Variants in ECHDC2 observed in about 807,000 individuals in gnomAD.
ECHDC2 encodes enoyl-CoA hydratase domain containing 2.
A neutral mutation model predicts 40.6 loss-of-function variants in ECHDC2; 34 were observed. The observed-to-expected ratio is 0.84, with a 90% CI of 0.64 to 1.11. ECHDC2 has a LOEUF of 1.11. ECHDC2 is among the 50% of genes most tolerant of loss of function. The pLI is 0.00. For missense variants in ECHDC2, 392 were observed against 400.7 expected (o/e 0.98, Z 0.19); for synonymous variants, 162 against 166.6 (o/e 0.97, Z 0.21).
chr1:52,916,800 G>A (rs944384499), intron 1 of ECHDC2, among the ~76,000 whole-genome samples: 2 of 152,180 alleles, frequency 1.3e-5, no homozygotes, highest in African/African-American at 4.8e-5. Flanking sequence ...CCCCAACAGC[G>A]GGGATGGGGC....
intron 7 of ECHDC2, chr1:52,899,518 A>G: frequency 2.3e-6 from 1 of 425,780 alleles, no homozygotes; most frequent in Non-Finnish European, 4.3e-6. Flanking sequence ...CCACAGACTC[A>G]TCTAATGGTG....
intron 7 of ECHDC2, chr1:52,901,276 T>G (rs1409045834): frequency 2.0e-5 from 3 of 152,210 alleles, no homozygotes; most frequent in African/African-American, 7.2e-5. Context: ...GTCAGTAGCT[T>G]GCACCTGTAG....
chr1:52,905,698 T>A (rs994292228), intron 5 of ECHDC2: 1 of 159,112 alleles, frequency 6.3e-6, no homozygotes, highest in African/African-American at 2.4e-5. Flanking sequence ...CATGTGAACG[T>A]GGGCAGAAGG....
chr1:52,899,129 C>T (rs762190153), intron 8 of ECHDC2, 45 bp downstream of exon 8: 20 of 1,605,992 alleles, frequency 1.2e-5, no homozygotes, highest in Non-Finnish European at 1.7e-5. Context: ...GTCCCAGCCG[C>T]GACCAACTTT....
intron 1 of ECHDC2, chr1:52,913,026 T>TATCA (rs1168996342): frequency 6.6e-6 from 1 of 152,148 alleles, no homozygotes; most frequent in African/African-American, 2.4e-5. Context: ...CATCCTTAGG[T>TATCA]ATCATAGTTT....
chr1:52,910,358 T>TTTG (rs1649127417), intron 3 of ECHDC2, among the ~76,000 whole-genome samples: 1 of 83,296 alleles, frequency 1.2e-5, no homozygotes, highest in East Asian at 4.7e-4. Flanking sequence ...TTTCGTTTTT[T>TTTG]TTTTTTTTTT....
At chr1:52,904,926 G>T (rs936293407) in intron 6 of ECHDC2, 93 bp from the exon 7 acceptor site, 77 of 1,598,716 alleles carry the variant, frequency 4.8e-5, no homozygotes, top group Non-Finnish European at 6.5e-5. Flanking sequence ...CTTCTCAGAG[G>T]AGCAGGGTTC....
At chr1:52,910,682 ATATG>A (rs1649252580) in intron 3 of ECHDC2, among the ~76,000 whole-genome samples, 1 of 152,118 alleles carries the variant, frequency 6.6e-6, no homozygotes, top group Non-Finnish European at 1.5e-5. Flanking sequence ...AATTTCTAAA[ATATG>A]TAAGTAATAA....
rs1421619989 is a variant in ECHDC2 at position 52,914,100 on chromosome 1, T to A, written c.122-2310A>T. ...TGTCCTCATGGAACCTACAGCCTAG[T>A]GGGGAAGACAGACATTAAATAATTA... On this transcript the variant is annotated intron_variant, in intron 1 of 9. Transcript: ENST00000371522. The surrounding 1 kb of genome is among the most constrained non-coding windows in gnomAD (Gnocchi z 4.0). 4 of 552,764 alleles carry A rather than the reference T, an allele frequency of 7.2e-6. No individual in the cohort carries two copies. In the African/African-American group the frequency reaches 7.7e-5, roughly 11 times the overall value. The allele number at this position is 552,764 out of a possible 1,614,324, so 34.2% of individuals were successfully genotyped here. A position where few individuals can be genotyped will look rare whatever the true frequency, so the allele number is the denominator to read the frequency against.
At chr1:52,898,623 C>G (rs902428465) in intron 8 of ECHDC2, 3 of 163,958 alleles carry the variant, frequency 1.8e-5, no homozygotes, top group African/African-American at 7.2e-5. Context: ...TGATTTGTGT[C>G]TGTATCTGCC....
At chr1:52,906,673 G>A (rs1264996575) in intron 4 of ECHDC2, 62 bp from the exon 5 acceptor site, 3 of 1,404,620 alleles carry the variant, frequency 2.1e-6, no homozygotes, top group Non-Finnish European at 2.9e-6. Flanking sequence ...AGAGACTCAA[G>A]GCTGGGGAGG....
At chr1:52,920,588 C>A in intron 1 of ECHDC2, 2 of 1,206,252 alleles carry the variant, frequency 1.7e-6, no homozygotes, top group Non-Finnish European at 2.5e-6. Context: ...AGAAATCTGG[C>A]AAAAAGTAAG....
At chr1:52,912,312 A>T (rs895241582) in intron 1 of ECHDC2, 2 of 154,558 alleles carry the variant, frequency 1.3e-5, no homozygotes, top group African/African-American at 4.9e-5. Flanking sequence ...GGCTCAAGCA[A>T]TTCTCCTCCC....
Position 52,909,534 on chromosome 1 carries a change from A to C in ECHDC2, c.278-1580T>G, listed in dbSNP as rs540925966. 7.6e-4 allele frequency among the ~76,000 whole-genome samples: 116 copies of C among 151,832 alleles called. 1 individual carries two copies. Among genetic ancestry groups the C allele is most frequent in the African/African-American group, 2.6e-3 (109 of 41,436 alleles). On this transcript the variant is annotated intron_variant, in intron 3 of 9. Transcript: ENST00000371522. ...GTAACTGATGAGCTTAAAAAAAAAAAAAAAAACACCACACAAAAAAATCTT... is the reference window on the plus strand; with the variant it reads ...GTAACTGATGAGCTTAAAAAAAAAACAAAAAACACCACACAAAAAAATCTT...
intron 5 of ECHDC2, chr1:52,906,290 A>T (rs1354056176): frequency 1.6e-6 from 1 of 621,280 alleles, no homozygotes; most frequent in Non-Finnish European, 3.0e-6. Flanking sequence ...AATATTCCCA[A>T]AATGAAGGAA....
intron 8 of ECHDC2, 69 bp downstream of exon 8, chr1:52,899,105 T>C (rs1331991334): frequency 1.3e-6 from 2 of 1,512,624 alleles, no homozygotes; most frequent in Non-Finnish European, 1.8e-6. Context: ...CTGTCTGAGC[T>C]CTGAAAGCAC....
intron 7 of ECHDC2, among the ~76,000 whole-genome samples, chr1:52,903,587 G>C (rs560751719): frequency 2.6e-5 from 4 of 151,566 alleles, no homozygotes; most frequent in African/African-American, 9.7e-5. Context: ...TTACAGGCTC[G>C]AACTACCACA....
chr1:52,907,851 C>T lies in ECHDC2; in HGVS notation c.364+17G>A. 4 of 1,610,824 alleles carry T rather than the reference C, an allele frequency of 2.5e-6. No homozygotes were observed. Among genetic ancestry groups the T allele is most frequent in the Non-Finnish European group, 3.4e-6 (4 of 1,177,392 alleles). ...GACCCCCAAACCCCCTCCTCCACCC[C>T]ACACCCAGATCCTCACCGATGTCAT... On this transcript the variant is annotated intron_variant, in intron 4 of 9. Coordinates refer to ENST00000371522, the MANE Select transcript of ECHDC2 (RefSeq NM_001198961.2).
Position 52,911,573 on chromosome 1 carries a change from G to A in ECHDC2, c.270C>T (p.Phe90=). The A allele has an allele frequency of 6.2e-7, 1 of 1,613,694 alleles. No homozygotes were observed. The highest frequency in any genetic ancestry group is 8.5e-7 in the Non-Finnish European group (1 of 1,180,022). ...GCAGGAGAGAGAACCTACCTGCACAGAACACGCCCTTCACTCCACTTCTGA... is the reference window on the plus strand; with the variant it reads ...GCAGGAGAGAGAACCTACCTGCACAAAACACGCCCTTCACTCCACTTCTGA... ...LLFRSGVKGV[F]CAGADLKERE... is the part of the protein sequence containing the mutation. The change falls in exon 3 of 10, where the codon TTC becomes TTT. Residue 90 remains phenylalanine, a synonymous_variant. Coordinates refer to ENST00000371522, the MANE Select transcript of ECHDC2 (RefSeq NM_001198961.2).
Sources: gnomAD v4.1 joint callset for allele counts (sites outside exome capture counted in the v4.1 genomes callset) on GRCh38, gnomAD v4.1.1 for gene constraint, Gnocchi (gnomAD v3.1) non-coding constraint, MANE v1.5 for transcripts, NCBI Gene and HGNC (gene_info 2026-07-23, HGNC 2026-07-21) for gene names.